The following GNA14 variants were observed in gnomAD, a reference collection of about 807,000 sequenced individuals.
GNA14 encodes G protein subunit alpha 14, also known as guanine nucleotide-binding protein subunit alpha-14.
GNA14 carries 50 observed loss-of-function variants against 42.0 expected under a neutral mutation model. The observed-to-expected ratio is 1.19, with a 90% CI of 0.95 to 1.51. The LOEUF (loss-of-function observed/expected upper bound fraction) is 1.51, where lower values mean the gene tolerates loss of function less well. GNA14 is among the 40% of genes most tolerant of loss of function. GNA14 has a pLI of 0.00. For synonymous variants in GNA14, 173 were observed against 163.1 expected, an observed-to-expected ratio of 1.06 and a Z score of -0.46; for missense variants, 473 against 446.2, an observed-to-expected ratio of 1.06 and a Z score of -0.54.
At chr9:77,621,961 T>G (rs958969223) in intron 1 of GNA14, among the ~76,000 whole-genome samples, 13 of 152,314 alleles carry the variant, frequency 8.5e-5, no homozygotes, top group African/African-American at 2.9e-4. Context: ...GGTCTCACTC[T>G]GTTGCCCAGG....
chr9:77,637,667 G>T (rs951827127), intron 1 of GNA14, among the ~76,000 whole-genome samples: 3 of 152,108 alleles, frequency 2.0e-5, no homozygotes, highest in Admixed American at 2.0e-4. Context: ...AACCAGCCTG[G>T]GCAATAGCAA....
chr9:77,592,457 T>C (rs1823405472), intron 1 of GNA14, among the ~76,000 whole-genome samples: 1 of 152,216 alleles, frequency 6.6e-6, no homozygotes, highest in South Asian at 2.1e-4. Flanking sequence ...TCTCATAGTA[T>C]AAAAGATCTG....
At position 77,546,045 on chromosome 9, in the gene GNA14, G is replaced by A. The variant is rs936696355; in HGVS notation, c.125-16792C>T. 5.9e-5 allele frequency among the ~76,000 whole-genome samples: 9 copies of A among 151,788 alleles called. No homozygotes were observed. In the East Asian group the frequency reaches 1.4e-3, roughly 23 times the overall value. ...AGCCTGGCCAACACAGCGAAACCCC[G>A]TCTCTAACTAAATATACAAAAAATA... is the stretch of plus-strand genomic sequence containing the variant. On this transcript the variant is annotated intron_variant, in intron 1 of 6. Transcript: ENST00000341700.
Position 77,529,237 on chromosome 9 carries a change from C to A in GNA14, c.141G>T (p.Gly47=), listed in dbSNP as rs1373562525. The A allele has an allele frequency of 3.7e-6, 6 of 1,613,656 alleles. No individual in the cohort carries two copies. Among genetic ancestry groups the A allele is most frequent in the Non-Finnish European group, 5.1e-6 (6 of 1,179,718 alleles). ...KLLLLGTGES[G]KSTFIKQMRI... is the part of the protein sequence containing the mutation. ...TCATCTGCTTGATAAAGGTGCTTTTCCCACTTTCACCAGTTCCTATAAGAC... is the reference window on the plus strand; with the variant it reads ...TCATCTGCTTGATAAAGGTGCTTTTACCACTTTCACCAGTTCCTATAAGAC... The change falls in exon 2 of 7, where the codon GGG becomes GGT. Residue 47 remains glycine, a synonymous_variant. Transcript: ENST00000341700.
chr9:77,489,934 T>C (rs533866769), intron 2 of GNA14, among the ~76,000 whole-genome samples: 3 of 152,278 alleles, frequency 2.0e-5, no homozygotes, highest in East Asian at 3.9e-4. Flanking sequence ...AGCCTGTTTT[T>C]ATTCTTATCT....
chr9:77,450,317 A>G (rs1835883463), intron 2 of GNA14, among the ~76,000 whole-genome samples: 1 of 152,148 alleles, frequency 6.6e-6, no homozygotes, highest in African/African-American at 2.4e-5. Context: ...TCAAGTGCTC[A>G]GCCTTACCCA....
chr9:77,618,446 C>T (rs908076665), intron 1 of GNA14, among the ~76,000 whole-genome samples: 5 of 150,896 alleles, frequency 3.3e-5, no homozygotes, highest in African/African-American at 7.3e-5. Context: ...CTCCAGGGTT[C>T]GGTGCTGTGC....
intron 1 of GNA14, among the ~76,000 whole-genome samples, chr9:77,549,124 A>T (rs1022750008): frequency 6.6e-6 from 1 of 152,080 alleles, no homozygotes; most frequent in Non-Finnish European, 1.5e-5. Flanking sequence ...TAGCAGAGAC[A>T]GGGTTTCACC....
intron 1 of GNA14, among the ~76,000 whole-genome samples, chr9:77,623,977 G>A (rs1823974592): frequency 6.6e-6 from 1 of 152,174 alleles, no homozygotes; most frequent in South Asian, 2.1e-4. Flanking sequence ...CTAACTCAGA[G>A]GATCCCACCC....
intron 1 of GNA14, among the ~76,000 whole-genome samples, chr9:77,622,827 G>C (rs1020690134): frequency 2.0e-5 from 3 of 150,120 alleles, no homozygotes; most frequent in African/African-American, 4.9e-5. Flanking sequence ...CCAGGAGGCA[G>C]AGCTTACAGT....
chr9:77,457,146 G>C (rs1048619056), intron 2 of GNA14, among the ~76,000 whole-genome samples: 110 of 152,328 alleles, frequency 7.2e-4, no homozygotes, highest in African/African-American at 2.6e-3. Flanking sequence ...CTTGAAGTCT[G>C]TTTCAGAGCT....
chr9:77,454,399 C>T (rs1226930780), intron 2 of GNA14, among the ~76,000 whole-genome samples: 6 of 152,150 alleles, frequency 3.9e-5, no homozygotes, highest in East Asian at 3.9e-4. Flanking sequence ...ACCTTTCGCT[C>T]GCTGTGTGCA....
intron 1 of GNA14, among the ~76,000 whole-genome samples, chr9:77,534,365 G>A (rs1014174622): frequency 6.6e-6 from 1 of 152,146 alleles, no homozygotes; most frequent in Non-Finnish European, 1.5e-5. Flanking sequence ...AGTACAAAAG[G>A]CCTTTAGGAG....
intron 2 of GNA14, 89 bp downstream of exon 2, chr9:77,528,980 C>G: frequency 8.9e-7 from 1 of 1,127,062 alleles, no homozygotes; most frequent in East Asian, 2.4e-5. Context: ...CTTCTGGCAT[C>G]TGACCAAAGC....
At chr9:77,595,895 A>G (rs1296398412) in intron 1 of GNA14, among the ~76,000 whole-genome samples, 1 of 152,104 alleles carries the variant, frequency 6.6e-6, no homozygotes, top group African/African-American at 2.4e-5. Context: ...TTTAAAAGCA[A>G]AAACAAGATA....
intron 2 of GNA14, among the ~76,000 whole-genome samples, chr9:77,464,094 G>A (rs1564022271): frequency 6.6e-6 from 1 of 152,012 alleles, no homozygotes; most frequent in East Asian, 1.9e-4. Context: ...TCAGCCTCCT[G>A]GGCTCAAGTC....
chr9:77,503,249 G>C (rs2131744588), intron 2 of GNA14, among the ~76,000 whole-genome samples: 1 of 152,260 alleles, frequency 6.6e-6, no homozygotes, highest in East Asian at 1.9e-4. Flanking sequence ...CTGAACACCA[G>C]TCCTCATGGG....
intron 2 of GNA14, among the ~76,000 whole-genome samples, chr9:77,513,650 C>T (rs1026429711): frequency 1.3e-5 from 2 of 152,202 alleles, no homozygotes; most frequent in Non-Finnish European, 2.9e-5. Flanking sequence ...GCCTCTGCCC[C>T]TTCCTCTCTT....
At chr9:77,611,816 G>T (rs1246961821) in intron 1 of GNA14, among the ~76,000 whole-genome samples, 1 of 152,082 alleles carries the variant, frequency 6.6e-6, no homozygotes, top group African/African-American at 2.4e-5. Context: ...AATGGAAGAG[G>T]CTATTCTGAG....
Sources: gnomAD v4.1 joint callset for allele counts (sites outside exome capture counted in the v4.1 genomes callset) on GRCh38, gnomAD v4.1.1 for gene constraint, MANE v1.5 for transcripts, NCBI Gene and HGNC (gene_info 2026-07-23, HGNC 2026-07-21) for gene names.